The following NELL2 variants were observed in gnomAD, a reference collection of about 807,000 sequenced individuals.
NELL2 encodes the protein protein kinase C-binding protein NELL2.
Under a neutral mutation model 109.6 loss-of-function variants are expected in NELL2, and 41 were observed. That is an observed-to-expected ratio of 0.37 (90% CI 0.29 to 0.49). The LOEUF (loss-of-function observed/expected upper bound fraction) is 0.49. NELL2 is among the 20% of genes least tolerant of loss of function. The pLI, the probability that NELL2 is intolerant of heterozygous loss-of-function variation, is 0.98. For missense variants in NELL2, 900 were observed against 1,008.3 expected, an observed-to-expected ratio of 0.89 and a Z score of 1.45; for synonymous variants, 355 against 344.7, an observed-to-expected ratio of 1.03 and a Z score of -0.33.
intron 9 of NELL2, among the ~76,000 whole-genome samples, chr12:44,719,829 T>G (rs1938675213): frequency 6.6e-6 from 1 of 152,154 alleles, no homozygotes; most frequent in African/African-American, 2.4e-5. Context: ...GATATACAAA[T>G]CAAAGCTGTT....
At chr12:44,740,468 T>G (rs905467318) in intron 9 of NELL2, among the ~76,000 whole-genome samples, 3 of 152,154 alleles carry the variant, frequency 2.0e-5, no homozygotes, top group Admixed American at 6.5e-5. Flanking sequence ...TCTCTTTATT[T>G]TTCAGTCAGT....
At chr12:44,596,835 G>A (rs1028966294) in intron 15 of NELL2, among the ~76,000 whole-genome samples, 1 of 152,284 alleles carries the variant, frequency 6.6e-6, no homozygotes, top group South Asian at 2.1e-4. Flanking sequence ...GCAGAGCCTA[G>A]ATTTATAGCC....
intron 19 of NELL2, among the ~76,000 whole-genome samples, chr12:44,512,427 CA>C (rs1941040203): frequency 6.6e-6 from 1 of 151,516 alleles, no homozygotes; most frequent in Admixed American, 6.6e-5. Flanking sequence ...GAAAGTTTCT[CA>C]AAAAACTAAA....
chr12:44,665,404 A>C, intron 13 of NELL2, 80 bp downstream of exon 13: 1 of 1,300,616 alleles, frequency 7.7e-7, no homozygotes, highest in Non-Finnish European at 1.0e-6. Context: ...ATACTTATCA[A>C]AAAAATGAGA....
intron 19 of NELL2, among the ~76,000 whole-genome samples, chr12:44,513,952 CAA>C (rs150651038): frequency 3.3e-5 from 4 of 122,944 alleles, no homozygotes; most frequent in Admixed American, 8.2e-5. Context: ...AAATAAAGAC[CAA>C]AAAAAAAAAA....
intron 2 of NELL2, among the ~76,000 whole-genome samples, chr12:44,827,489 C>T (rs1943753119): frequency 6.6e-6 from 1 of 151,012 alleles, no homozygotes; most frequent in Non-Finnish European, 1.5e-5. Context: ...CCTTCCCAGC[C>T]TCTGGTAAGC....
At chr12:44,546,593 A>G (rs1300574633) in intron 15 of NELL2, among the ~76,000 whole-genome samples, 2 of 152,092 alleles carry the variant, frequency 1.3e-5, no homozygotes, top group Non-Finnish European at 2.9e-5. Flanking sequence ...GTGCTTTAAA[A>G]CCTCTTAACC....
At chr12:44,652,318 T>C (rs1566091482) in intron 13 of NELL2, among the ~76,000 whole-genome samples, 1 of 152,196 alleles carries the variant, frequency 6.6e-6, no homozygotes. Context: ...TGCTATACAT[T>C]TATTTTATAT....
At chr12:44,916,413 C>T (rs779942431), upstream of NELL2, among the ~76,000 whole-genome samples, 13 of 152,090 alleles carry the variant, frequency 8.5e-5, no homozygotes, top group Non-Finnish European at 1.6e-4. Context: ...TATTAATCAA[C>T]CATCACACCA....
chr12:44,687,831 G>C (rs1307059252), intron 12 of NELL2, among the ~76,000 whole-genome samples: 1 of 152,126 alleles, frequency 6.6e-6, no homozygotes, highest in African/African-American at 2.4e-5. Context: ...TGTTAATCAT[G>C]TGGTGTCTTA....
At chr12:44,881,925 AC>A (rs1238004906) in intron 1 of NELL2, 1 of 152,040 alleles carries the variant, frequency 6.6e-6, no homozygotes, top group Non-Finnish European at 1.5e-5. Context: ...ATATAGGGAA[AC>A]AACAGTTTGA....
chr12:44,561,078 A>G (rs1319137257), intron 15 of NELL2, among the ~76,000 whole-genome samples: 1 of 152,192 alleles, frequency 6.6e-6, no homozygotes, highest in East Asian at 1.9e-4. Context: ...AATGACCAAA[A>G]CCACATGATT....
chr12:44,793,737 C>T lies in NELL2; in HGVS notation c.336-13715G>A, dbSNP rs144837684. On this transcript the variant is annotated intron_variant, in intron 3 of 19. Transcript: ENST00000429094. ...TAAGTAATGATATAAAAGACGTGTACCTGACACATGGTTAGTACTCAATAA... is the reference window on the plus strand; with the variant it reads ...TAAGTAATGATATAAAAGACGTGTATCTGACACATGGTTAGTACTCAATAA... 4.8e-3 allele frequency among the ~76,000 whole-genome samples: 724 copies of T among 152,108 alleles called. 6 individuals are homozygous for T. The highest frequency in any genetic ancestry group is 7.0e-3 in the Non-Finnish European group (474 of 67,988).
chr12:44,624,988 ATGTG>A (rs140704209), intron 13 of NELL2, among the ~76,000 whole-genome samples: 2 of 69,968 alleles, frequency 2.9e-5, no homozygotes, highest in Non-Finnish European at 5.2e-5. Flanking sequence ...ATATATATAT[ATGTG>A]TGTGTATATA....
At chr12:44,827,365 C>T (rs1303082253) in intron 2 of NELL2, among the ~76,000 whole-genome samples, 2 of 149,678 alleles carry the variant, frequency 1.3e-5, no homozygotes, top group Non-Finnish European at 3.0e-5. Flanking sequence ...ACTATAGTCA[C>T]TCTGTTGTGC....
chr12:44,615,337 A>T (rs1298502584), intron 13 of NELL2, among the ~76,000 whole-genome samples: 1 of 152,128 alleles, frequency 6.6e-6, no homozygotes, highest in Non-Finnish European at 1.5e-5. Flanking sequence ...TTATAATTTG[A>T]ATCATACTGA....
At chr12:44,680,186 C>T (rs964189447) in intron 12 of NELL2, among the ~76,000 whole-genome samples, 21 of 152,082 alleles carry the variant, frequency 1.4e-4, no homozygotes, top group African/African-American at 5.1e-4. Context: ...TTAACCTGAA[C>T]ATTACATCAG....
chr12:44,738,079 A>C (rs1592429993), intron 9 of NELL2, among the ~76,000 whole-genome samples: 1 of 152,184 alleles, frequency 6.6e-6, no homozygotes, highest in East Asian at 1.9e-4. Flanking sequence ...AAATAAAGGA[A>C]GTTTTCTCTG....
intron 18 of NELL2, 106 bp downstream of exon 18, chr12:44,521,894 A>C: frequency 9.0e-7 from 1 of 1,107,426 alleles, no homozygotes; most frequent in Non-Finnish European, 1.3e-6. Flanking sequence ...ATAACTGTCA[A>C]CACTGTGGCC....
Sources: gnomAD v4.1 joint callset for allele counts (sites outside exome capture counted in the v4.1 genomes callset) on GRCh38, gnomAD v4.1.1 for gene constraint, MANE v1.5 for transcripts, NCBI Gene and HGNC (gene_info 2026-07-23, HGNC 2026-07-21) for gene names.